Variants in IL6ST observed in about 807,000 individuals in gnomAD.
The protein encoded by IL6ST is interleukin-6 receptor subunit beta.
A neutral mutation model predicts 91.3 loss-of-function variants in IL6ST; 24 were observed. The observed-to-expected ratio is 0.26, with a 90% CI of 0.19 to 0.37. IL6ST has a LOEUF of 0.37. Among genes scored for constraint, IL6ST ranks in the 10% least tolerant of loss-of-function variants. IL6ST has a pLI of 1.00. For synonymous variants in IL6ST, 351 were observed against 373.6 expected (o/e 0.94, Z 0.70); for missense variants, 914 against 1,078.5 (o/e 0.85, Z 2.14).
chr5:55,966,574 T>A lies in IL6ST; in HGVS notation c.491+1702A>T, dbSNP rs568722331. On this transcript the variant is annotated intron_variant, in intron 5 of 16. Transcript: ENST00000381298. ...TACTGAAGTGATTAAGAATGAGGTATATTAATGACTGTAACTCACTATGAA... is the reference window on the plus strand; with the variant it reads ...TACTGAAGTGATTAAGAATGAGGTAAATTAATGACTGTAACTCACTATGAA... 2.6e-5 allele frequency among the ~76,000 whole-genome samples: 4 copies of A among 152,328 alleles called. No homozygotes were observed. In the South Asian group the frequency reaches 8.3e-4, roughly 32 times the overall value.
intron 5 of IL6ST, among the ~76,000 whole-genome samples, chr5:55,964,751 CTT>C (rs1752542725): frequency 6.6e-6 from 1 of 152,090 alleles, no homozygotes; most frequent in Admixed American, 6.6e-5. Context: ...GCTAAAATCT[CTT>C]AGCCTCTTTC....
At chr5:55,962,982 TGTG>T (rs1752411742) in intron 7 of IL6ST, among the ~76,000 whole-genome samples, 2 of 151,626 alleles carry the variant, frequency 1.3e-5, no homozygotes, top group Non-Finnish European at 2.9e-5. Flanking sequence ...AAAAGCCAGG[TGTG>T]GTGGTGCACA....
intron 1 of IL6ST, among the ~76,000 whole-genome samples, chr5:55,990,653 T>A (rs1052642914): frequency 6.6e-6 from 1 of 152,238 alleles, no homozygotes; most frequent in Non-Finnish European, 1.5e-5. Context: ...TTCTTAGATA[T>A]TCTGTCTCTG....
chr5:55,961,475 C>T (rs987248510), intron 7 of IL6ST, among the ~76,000 whole-genome samples: 28 of 151,756 alleles, frequency 1.8e-4, no homozygotes, highest in Non-Finnish European at 1.5e-5. Context: ...GAAAGACAGC[C>T]GGCTGGGTGC....
At chr5:55,968,681 TATC>T in intron 4 of IL6ST, among the ~76,000 whole-genome samples, 1 of 152,318 alleles carries the variant, frequency 6.6e-6, no homozygotes, top group Non-Finnish European at 1.5e-5. Flanking sequence ...TGGAAAAAAA[TATC>T]AACTGATTTC....
chr5:55,963,238 G>C (rs1752430717), intron 7 of IL6ST, 114 bp downstream of exon 7: 2 of 740,684 alleles, frequency 2.7e-6, no homozygotes, highest in Admixed American at 5.4e-5. Context: ...AGGTTATCAA[G>C]CAAAATATTT....
chr5:55,960,554 G>A lies in IL6ST; in HGVS notation c.821C>T (p.Pro274Leu). ...AGATCGGGTGGATGCTGTGTCTTCA[G>A]GAGGAATCTGAAACAAAGCAAACCA... ...KDASTWSQIPPEDTASTRSSF... is the reference protein window; with the variant it reads ...KDASTWSQIPLEDTASTRSSF... The change falls in exon 8 of 17, where the codon CCT becomes CTT. Residue 274 changes from proline (P) to leucine (L), a missense_variant. Pro to Leu is a moderately conservative substitution (Grantham distance 98). Transcript: ENST00000381298. 2 of 1,610,592 alleles carry A rather than the reference G, an allele frequency of 1.2e-6. No individual in the cohort carries two copies. Among genetic ancestry groups the A allele is most frequent in the Non-Finnish European group, 1.7e-6 (2 of 1,178,866 alleles).
At chr5:55,948,572 TTATG>T (rs906953695) in intron 14 of IL6ST, among the ~76,000 whole-genome samples, 1 of 151,848 alleles carries the variant, frequency 6.6e-6, no homozygotes, top group Non-Finnish European at 1.5e-5. Flanking sequence ...GTATATATAT[TTATG>T]TGTGTATATA....
chr5:55,959,656 AG>A (rs1752189064), intron 8 of IL6ST: 1 of 1,297,446 alleles, frequency 7.7e-7, no homozygotes, highest in Non-Finnish European at 1.0e-6. Flanking sequence ...ACCGCTTCCC[AG>A]GGGCTTATCA....
chr5:55,951,420 C>T, intron 14 of IL6ST, 44 bp downstream of exon 14: 1 of 1,488,064 alleles, frequency 6.7e-7, no homozygotes, highest in Non-Finnish European at 9.3e-7. Flanking sequence ...CATTTCTAAC[C>T]TAAGTTTGAG....
intron 2 of IL6ST, among the ~76,000 whole-genome samples, chr5:55,980,204 T>C (rs1379414341): frequency 6.6e-6 from 1 of 152,212 alleles, no homozygotes; most frequent in East Asian, 1.9e-4. Flanking sequence ...CCTTGCAATG[T>C]TGACCATGTG....
chr5:55,985,314 G>A (rs919444351), intron 1 of IL6ST, among the ~76,000 whole-genome samples: 5 of 151,990 alleles, frequency 3.3e-5, no homozygotes, highest in African/African-American at 1.2e-4. Flanking sequence ...TCAGAAGTTC[G>A]AGACCAGCCT....
At chr5:55,968,901 T>G (rs1752791004) in intron 4 of IL6ST, among the ~76,000 whole-genome samples, 1 of 152,190 alleles carries the variant, frequency 6.6e-6, no homozygotes, top group African/African-American at 2.4e-5. Context: ...TTGTTTACTT[T>G]GTTACTCCAA....
At chr5:55,954,657 G>A (rs1269388000) in intron 11 of IL6ST, among the ~76,000 whole-genome samples, 153 bp downstream of exon 11, 1 of 152,214 alleles carries the variant, frequency 6.6e-6, no homozygotes, top group Non-Finnish European at 1.5e-5. Context: ...GAGAGGTTAA[G>A]TATGACTTGC....
intron 15 of IL6ST, among the ~76,000 whole-genome samples, chr5:55,945,513 T>A (rs1196917575): frequency 6.6e-6 from 1 of 151,974 alleles, no homozygotes. Context: ...GATCATAGAC[T>A]AAGAGCTGAA....
intron 1 of IL6ST, among the ~76,000 whole-genome samples, chr5:55,984,045 T>C (rs928464662): frequency 1.3e-5 from 2 of 151,746 alleles, no homozygotes; most frequent in Admixed American, 6.6e-5. Flanking sequence ...CCTTCTAAAA[T>C]AGGCTAGCAA....
intron 3 of IL6ST, among the ~76,000 whole-genome samples, chr5:55,972,344 C>T (rs997634882): frequency 1.3e-5 from 2 of 151,946 alleles, no homozygotes; most frequent in Non-Finnish European, 2.9e-5. Context: ...AACCCTGTCT[C>T]TACTAAAAAT....
At position 55,989,423 on chromosome 5, in the gene IL6ST, T is replaced by C. The variant is rs151097685; in HGVS notation, c.-104+5361A>G. 1.0e-3 allele frequency among the ~76,000 whole-genome samples: 152 copies of C among 152,270 alleles called. 1 individual carries two copies. Among genetic ancestry groups the C allele is most frequent in the Non-Finnish European group, 1.7e-3 (118 of 68,028 alleles). ...AGACACACACTCATGCACGTGCACA[T>C]GCATGTATAAGCATACACTCTCTCT... On this transcript the variant is annotated intron_variant, in intron 1 of 16. Coordinates refer to ENST00000381298, the MANE Select transcript of IL6ST (RefSeq NM_002184.4).
chr5:55,993,801 T>A (rs1427370173), intron 1 of IL6ST, among the ~76,000 whole-genome samples: 1 of 152,216 alleles, frequency 6.6e-6, no homozygotes, highest in Non-Finnish European at 1.5e-5. Context: ...AACATGAATT[T>A]AAGAAATTAA....
Sources: gnomAD v4.1 joint callset for allele counts (sites outside exome capture counted in the v4.1 genomes callset) on GRCh38, gnomAD v4.1.1 for gene constraint, MANE v1.5 for transcripts, NCBI Gene and HGNC (gene_info 2026-07-23, HGNC 2026-07-21) for gene names.